The following PTPRC variants were observed in gnomAD, a reference collection of about 807,000 sequenced individuals.
PTPRC encodes the protein protein tyrosine phosphatase receptor type C, also known as receptor-type tyrosine-protein phosphatase C.
A neutral mutation model predicts 155.9 loss-of-function variants in PTPRC; 44 were observed. That is an observed-to-expected ratio of 0.28 (90% CI 0.22 to 0.36). The LOEUF is 0.36. Ranked by LOEUF, PTPRC falls within the 10% of genes least tolerant of loss-of-function variation. PTPRC has a pLI of 1.00. For missense variants in PTPRC, 1,401 were observed against 1,564.6 expected (o/e 0.90, Z 1.76); for synonymous variants, 525 against 533.1 (o/e 0.98, Z 0.21).
At chr1:198,651,537 CT>C (rs1332051901) in intron 2 of PTPRC, among the ~76,000 whole-genome samples, 2 of 151,310 alleles carry the variant, frequency 1.3e-5, no homozygotes, top group African/African-American at 2.4e-5. Flanking sequence ...TTCCTTAAAA[CT>C]TTTTTTTAGA....
rs574785159 is a variant in PTPRC at position 198,712,541 on chromosome 1, A to G, written c.1172-412A>G. Among the ~76,000 whole-genome samples the G allele has an allele frequency of 9.2e-5, 14 of 152,334 alleles. No homozygotes were observed. In the South Asian group the frequency reaches 2.9e-3, roughly 32 times the overall value. ...CATTTATCAGTTTTTCTCAGTTTCA[A>G]ATGACTAGTTACTGGAAGCAATGAC... On this transcript the variant is annotated intron_variant, in intron 11 of 32. Transcript: ENST00000442510.
intron 8 of PTPRC, among the ~76,000 whole-genome samples, chr1:198,705,904 C>T (rs780428871): frequency 2.0e-5 from 3 of 152,152 alleles, no homozygotes; most frequent in Non-Finnish European, 4.4e-5. Context: ...CCTATACCTC[C>T]AAATGGAACA....
At chr1:198,745,184 AT>A (rs1407022557) in intron 26 of PTPRC, among the ~76,000 whole-genome samples, 1 of 151,766 alleles carries the variant, frequency 6.6e-6, no homozygotes, top group Non-Finnish European at 1.5e-5. Context: ...AAGACAGACA[AT>A]TTTTTTCACT....
chr1:198,707,892 G>A lies in PTPRC; in HGVS notation c.905-241G>A, dbSNP rs1315276043. Among the ~76,000 whole-genome samples the A allele has an allele frequency of 2.6e-5, 4 of 152,108 alleles. 1 individual carries two copies. The highest frequency in any genetic ancestry group is 6.6e-5 in the Admixed American group (1 of 15,266). On this transcript the variant is annotated intron_variant, in intron 9 of 32. Coordinates refer to ENST00000442510, the MANE Select transcript of PTPRC (RefSeq NM_002838.5). Reference sequence around the variant, plus strand: ...GTTTGCTTGCATTTCATTTTTTAACGTGGTATAACTTATAAATGAAACACT... The same window carrying A: ...GTTTGCTTGCATTTCATTTTTTAACATGGTATAACTTATAAATGAAACACT...
At position 198,757,240 on chromosome 1, in the gene PTPRC, C is replaced by CTAA. The variant is rs971969978; in HGVS notation, c.*1061_*1063dup. On this transcript the variant is annotated 3_prime_UTR_variant, in exon 33 of 33. Coordinates refer to ENST00000442510, the MANE Select transcript of PTPRC (RefSeq NM_002838.5). ...ATGTTTTTACCAGGAATGGATGTCG[C>CTAA]TAATCATAATAAAATTCAACCATTA... 7.3e-5 allele frequency: 11 copies of CTAA among 151,692 alleles called. No individual in the cohort carries two copies. Among genetic ancestry groups the CTAA allele is most frequent in the African/African-American group, 2.4e-4 (10 of 41,372 alleles). The allele number at this position is 151,692 out of a possible 1,614,324, so 9.4% of individuals were successfully genotyped here. A position where few individuals can be genotyped will look rare whatever the true frequency, so the allele number is the denominator to read the frequency against.
At chr1:198,694,703 A>T in intron 3 of PTPRC, 1 of 970,568 alleles carries the variant, frequency 1.0e-6, no homozygotes, top group South Asian at 4.8e-5. Flanking sequence ...AAGAATTCTA[A>T]ACTCTCTCCT....
intron 2 of PTPRC, among the ~76,000 whole-genome samples, chr1:198,647,063 G>C (rs1460547408): frequency 6.6e-6 from 1 of 151,826 alleles, no homozygotes; most frequent in Non-Finnish European, 1.5e-5. Context: ...TCTTCCTACT[G>C]TTGGCCATGC....
chr1:198,680,848 G>A (rs1474624722), intron 2 of PTPRC, among the ~76,000 whole-genome samples: 2 of 152,174 alleles, frequency 1.3e-5, no homozygotes, highest in African/African-American at 2.4e-5. Context: ...CTATTCCCAG[G>A]AGGCAGCATT....
intron 32 of PTPRC, 102 bp downstream of exon 32, chr1:198,754,506 T>A: frequency 7.4e-7 from 1 of 1,351,936 alleles, no homozygotes; most frequent in Non-Finnish European, 1.0e-6. Flanking sequence ...TCGTTTGTTC[T>A]TTTTTCCCCT....
chr1:198,748,272 C>T (rs1655232525), intron 27 of PTPRC, 73 bp downstream of exon 27: 1 of 1,511,628 alleles, frequency 6.6e-7, no homozygotes, highest in Non-Finnish European at 8.9e-7. Context: ...ATGTGGGACA[C>T]ACAGTCATAT....
At chr1:198,704,611 A>C in intron 8 of PTPRC, 113 bp downstream of exon 8, 1 of 1,590,160 alleles carries the variant, frequency 6.3e-7, no homozygotes, top group Non-Finnish European at 8.6e-7. Flanking sequence ...CACTGGCTCT[A>C]ATTTCTCACC....
At chr1:198,674,006 T>C (rs1664798458) in intron 2 of PTPRC, among the ~76,000 whole-genome samples, 1 of 152,236 alleles carries the variant, frequency 6.6e-6, no homozygotes, top group African/African-American at 2.4e-5. Context: ...AGTAGACTTT[T>C]GTTGTTTATT....
intron 2 of PTPRC, among the ~76,000 whole-genome samples, chr1:198,642,127 A>G (rs1487205390): frequency 6.6e-6 from 1 of 152,012 alleles, no homozygotes; most frequent in Non-Finnish European, 1.5e-5. Flanking sequence ...GCTAGGGCCT[A>G]TATTATCTTT....
At chr1:198,750,716 C>T (rs140494304) in intron 29 of PTPRC, 90 bp downstream of exon 29, 41 of 1,503,472 alleles carry the variant, frequency 2.7e-5, no homozygotes, top group African/African-American at 6.9e-5. Context: ...GCCATACCCA[C>T]GTCTTTTTTT....
At chr1:198,697,368 T>A (rs2102386640) in intron 4 of PTPRC, among the ~76,000 whole-genome samples, 1 of 152,348 alleles carries the variant, frequency 6.6e-6, no homozygotes, top group Admixed American at 6.5e-5. Flanking sequence ...GTATTATTTT[T>A]AAATCCACTC....
chr1:198,708,008 C>T (rs991296253), intron 9 of PTPRC, 125 bp from the exon 10 acceptor site: 1 of 831,712 alleles, frequency 1.2e-6, no homozygotes, highest in African/African-American at 1.7e-5. Flanking sequence ...CAATCTCAAT[C>T]CTTGCCAAAT....
chr1:198,722,384 T>C, intron 14 of PTPRC, 32 bp from the exon 15 acceptor site: 1 of 1,236,572 alleles, frequency 8.1e-7, no homozygotes, highest in East Asian at 2.9e-5. Context: ...ATTAGCAAAC[T>C]AATTATTTTA....
chr1:198,728,306 A>G lies in PTPRC; in HGVS notation c.1721-34A>G, dbSNP rs74608112. On this transcript the variant is annotated intron_variant, in intron 15 of 32. Coordinates refer to ENST00000442510, the MANE Select transcript of PTPRC (RefSeq NM_002838.5). ...AACCAGTCTAGCAAGTTATTTGACA[A>G]TCGTTCTCTGAATGTATTATTTTTC... 1,009 of 1,554,992 alleles carry G rather than the reference A, an allele frequency of 6.5e-4. 4 individuals are homozygous for G. The African/African-American group carries it at 0.012, about 19-fold the overall frequency.
At chr1:198,749,601 C>T (rs1655290165) in intron 28 of PTPRC, 52 bp downstream of exon 28, 2 of 1,555,974 alleles carry the variant, frequency 1.3e-6, no homozygotes, top group Non-Finnish European at 1.8e-6. Context: ...AAAATAATAT[C>T]TATGTTATTA....
Sources: gnomAD v4.1 joint callset for allele counts (sites outside exome capture counted in the v4.1 genomes callset) on GRCh38, gnomAD v4.1.1 for gene constraint, MANE v1.5 for transcripts, NCBI Gene and HGNC (gene_info 2026-07-23, HGNC 2026-07-21) for gene names.